The following CREB5 variants were observed in gnomAD, a reference collection of about 807,000 sequenced individuals.
CREB5 encodes the protein cAMP responsive element binding protein 5, also known as cyclic AMP-responsive element-binding protein 5.
CREB5 carries 19 observed loss-of-function variants against 57.1 expected under a neutral mutation model. That is an observed-to-expected ratio of 0.33 (90% CI 0.23 to 0.49). CREB5 has a LOEUF of 0.49. CREB5 is among the 20% of genes least tolerant of loss of function. The pLI, the probability that CREB5 is intolerant of heterozygous loss-of-function variation, is 0.99. For synonymous variants in CREB5, 238 were observed against 238.3 expected (o/e 1.00, Z 0.01); for missense variants, 579 against 671.6 (o/e 0.86, Z 1.52).
chr7:28,641,423 C>T (rs1029554386), intron 5 of CREB5, among the ~76,000 whole-genome samples: 6 of 152,148 alleles, frequency 3.9e-5, no homozygotes, highest in Middle Eastern at 3.2e-3. Flanking sequence ...GACAAAGAAA[C>T]TTGGACCCCC....
intron 5 of CREB5, among the ~76,000 whole-genome samples, chr7:28,580,558 G>GTGTGTGT (rs374980944): frequency 1.6e-5 from 2 of 124,910 alleles, no homozygotes; most frequent in Admixed American, 7.7e-5. Context: ...TTGGCAAATT[G>GTGTGTGT]GTGTGTGTGT....
intron 1 of CREB5, among the ~76,000 whole-genome samples, chr7:28,379,125 T>C (rs1786905509): frequency 6.6e-6 from 1 of 152,218 alleles, no homozygotes; most frequent in South Asian, 2.1e-4. Flanking sequence ...ATTGTCTTGA[T>C]AAAGGTGTGG....
chr7:28,604,537 G>A (rs1797037536), intron 5 of CREB5, among the ~76,000 whole-genome samples: 1 of 151,984 alleles, frequency 6.6e-6, no homozygotes, highest in African/African-American at 2.4e-5. Flanking sequence ...TCATTGGTCA[G>A]ATAATGTATC....
At chr7:28,499,140 C>T (rs1406388420) in intron 3 of CREB5, among the ~76,000 whole-genome samples, 1 of 145,906 alleles carries the variant, frequency 6.9e-6, no homozygotes, top group East Asian at 2.0e-4. Flanking sequence ...ATATCCCCAC[C>T]CTGAGTTCTT....
intron 4 of CREB5, among the ~76,000 whole-genome samples, chr7:28,522,566 T>G (rs2128616969): frequency 6.6e-6 from 1 of 152,012 alleles, no homozygotes; most frequent in East Asian, 1.9e-4. Context: ...CGGCTAATTT[T>G]TTTGTATTTT....
At chr7:28,332,220 G>A (rs1423609913) in intron 1 of CREB5, among the ~76,000 whole-genome samples, 1 of 152,192 alleles carries the variant, frequency 6.6e-6, no homozygotes, top group Non-Finnish European at 1.5e-5. Context: ...CGATTCTCCC[G>A]AGAACCTCTG....
intron 5 of CREB5, among the ~76,000 whole-genome samples, chr7:28,697,597 A>G (rs1164785785): frequency 6.6e-6 from 1 of 152,072 alleles, no homozygotes; most frequent in Non-Finnish European, 1.5e-5. Flanking sequence ...TCAATGATTA[A>G]TTTATTTCTT....
intron 5 of CREB5, among the ~76,000 whole-genome samples, chr7:28,671,909 T>C (rs753152432): frequency 1.1e-4 from 16 of 152,242 alleles, no homozygotes; most frequent in Non-Finnish European, 1.9e-4. Flanking sequence ...GCAAGGACTT[T>C]CTGGTTAGCT....
intron 5 of CREB5, among the ~76,000 whole-genome samples, chr7:28,665,824 G>A (rs1430162089): frequency 6.6e-6 from 1 of 151,918 alleles, no homozygotes; most frequent in Non-Finnish European, 1.5e-5. Flanking sequence ...GACCAGTCTG[G>A]GCACCATACT....
intron 4 of CREB5, among the ~76,000 whole-genome samples, chr7:28,569,999 T>C (rs970670947): frequency 6.6e-6 from 1 of 152,216 alleles, no homozygotes; most frequent in Admixed American, 6.5e-5. Context: ...GCAGAGTGAC[T>C]ATTCACTAAA....
At chr7:28,325,435 A>G (rs1785574234) in intron 1 of CREB5, among the ~76,000 whole-genome samples, 1 of 149,358 alleles carries the variant, frequency 6.7e-6, no homozygotes, top group South Asian at 2.1e-4. Context: ...AGCCTGGGCG[A>G]CACAGCAAGA....
At chr7:28,710,014 G>C (rs1236860184) in intron 5 of CREB5, among the ~76,000 whole-genome samples, 2 of 151,682 alleles carry the variant, frequency 1.3e-5, no homozygotes, top group Non-Finnish European at 2.9e-5. Flanking sequence ...ATTGGAGACA[G>C]ATGAGTGTTC....
At chr7:28,478,535 G>C (rs561254032) in intron 1 of CREB5, among the ~76,000 whole-genome samples, 1 of 152,130 alleles carries the variant, frequency 6.6e-6, no homozygotes, top group Non-Finnish European at 1.5e-5. Context: ...TGCCAGCAAC[G>C]TTAAAGCAGA....
intron 6 of CREB5, among the ~76,000 whole-genome samples, chr7:28,721,231 G>T (rs879304679): frequency 7.2e-5 from 11 of 152,156 alleles, no homozygotes; most frequent in Admixed American, 7.2e-4. Context: ...CTGGGTAGAG[G>T]CCAGGGATGC....
chr7:28,658,957 A>ATATATATATATATATATATATATGTGTG (rs1554281563), intron 5 of CREB5, among the ~76,000 whole-genome samples: 1 of 111,812 alleles, frequency 8.9e-6, no homozygotes, highest in Non-Finnish European at 1.7e-5. Flanking sequence ...GTGTGTGTAT[A>ATATATATATATATATATATATATGTGTG]TATATATATA....
intron 5 of CREB5, among the ~76,000 whole-genome samples, chr7:28,696,313 A>G (rs995351909): frequency 1.3e-5 from 2 of 152,248 alleles, no homozygotes; most frequent in African/African-American, 4.8e-5. Flanking sequence ...GTGCGGATGC[A>G]CTGAATGCAA....
At chr7:28,313,617 G>A (rs980632492) in intron 1 of CREB5, among the ~76,000 whole-genome samples, 2 of 152,130 alleles carry the variant, frequency 1.3e-5, no homozygotes, top group Admixed American at 6.5e-5. Flanking sequence ...GGGGATGGGA[G>A]ATGTACAGGT....
intron 1 of CREB5, among the ~76,000 whole-genome samples, chr7:28,451,684 G>A (rs892580274): frequency 1.3e-5 from 2 of 152,062 alleles, no homozygotes; most frequent in Admixed American, 1.3e-4. Flanking sequence ...GGAACAAAAG[G>A]TTGCATGTGC....
intron 1 of CREB5, among the ~76,000 whole-genome samples, chr7:28,451,450 C>CTGTGTGTGTG (rs6150047): frequency 2.0e-5 from 3 of 146,922 alleles, no homozygotes; most frequent in African/African-American, 5.1e-5. Flanking sequence ...CTTTGCCAAA[C>CTGTGTGTGTG]TGTGTGTGTG....
Sources: allele counts gnomAD v4.1 joint callset (sites outside exome capture counted in the v4.1 genomes callset), GRCh38; gene constraint gnomAD v4.1.1; transcripts MANE v1.5; gene names NCBI Gene and HGNC (gene_info 2026-07-23, HGNC 2026-07-21).